The following ATRNL1 variants were observed in gnomAD, a reference collection of about 807,000 sequenced individuals.
The protein encoded by ATRNL1 is attractin-like protein 1.
ATRNL1 carries 95 observed loss-of-function variants against 182.7 expected under a neutral mutation model. That is an observed-to-expected ratio of 0.52 (90% CI 0.44 to 0.62). The LOEUF (loss-of-function observed/expected upper bound fraction) is 0.62, where lower values mean the gene tolerates loss of function less well. Ranked by LOEUF, ATRNL1 falls within the 20% of genes least tolerant of loss-of-function variation. The pLI is 0.00. For missense variants in ATRNL1, 1,471 were observed against 1,679.5 expected (o/e 0.88, Z 2.17); for synonymous variants, 576 against 568.3 (o/e 1.01, Z -0.19).
At chr10:115,687,733 G>A (rs1946263174) in intron 26 of ATRNL1, among the ~76,000 whole-genome samples, 1 of 151,876 alleles carries the variant, frequency 6.6e-6, no homozygotes, top group East Asian at 1.9e-4. Context: ...TTTGTTGCAG[G>A]CAAAAATTAT....
intron 19 of ATRNL1, among the ~76,000 whole-genome samples, chr10:115,379,580 A>G (rs1431347060): frequency 6.6e-6 from 1 of 152,250 alleles, no homozygotes; most frequent in Non-Finnish European, 1.5e-5. Flanking sequence ...ATATGACAGT[A>G]TTAATATGAA....
intron 26 of ATRNL1, among the ~76,000 whole-genome samples, chr10:115,720,900 T>C (rs1555057586): frequency 6.6e-6 from 1 of 152,200 alleles, no homozygotes; most frequent in African/African-American, 2.4e-5. Context: ...AGCATTAATA[T>C]GAGTTGATTG....
intron 26 of ATRNL1, among the ~76,000 whole-genome samples, chr10:115,706,176 G>C (rs1593098375): frequency 6.6e-6 from 1 of 152,026 alleles, no homozygotes; most frequent in Admixed American, 6.6e-5. Context: ...CTGTAGGGGA[G>C]AATCCATGTT....
At chr10:115,707,737 A>G (rs1215844328) in intron 26 of ATRNL1, among the ~76,000 whole-genome samples, 1 of 151,708 alleles carries the variant, frequency 6.6e-6, no homozygotes, top group East Asian at 1.9e-4. Context: ...TTCCAGTTTA[A>G]CCAAATAGAC....
At chr10:115,257,658 C>T (rs879980323) in intron 10 of ATRNL1, among the ~76,000 whole-genome samples, 4 of 152,112 alleles carry the variant, frequency 2.6e-5, no homozygotes, top group Admixed American at 2.0e-4. Context: ...TTATGATGTT[C>T]GCTGGTTATT....
intron 28 of ATRNL1, among the ~76,000 whole-genome samples, chr10:115,942,438 T>TG (rs1953758443): frequency 1.3e-5 from 2 of 152,172 alleles, no homozygotes; most frequent in African/African-American, 4.8e-5. Context: ...TGCTGGCCCA[T>TG]TTGCCACTTT....
At chr10:115,575,881 A>C (rs1854675474) in intron 26 of ATRNL1, among the ~76,000 whole-genome samples, 1 of 152,006 alleles carries the variant, frequency 6.6e-6, no homozygotes, top group South Asian at 2.1e-4. Flanking sequence ...TTGTACTTTG[A>C]TGAATATCTC....
intron 8 of ATRNL1, among the ~76,000 whole-genome samples, chr10:115,194,190 G>T (rs546015323): frequency 6.6e-6 from 1 of 151,892 alleles, no homozygotes; most frequent in Admixed American, 6.6e-5. Context: ...AGATGAAATG[G>T]TCTGTAAATG....
chr10:115,445,162 C>A (rs2134459571), intron 21 of ATRNL1, among the ~76,000 whole-genome samples: 1 of 151,396 alleles, frequency 6.6e-6, no homozygotes, highest in African/African-American at 2.4e-5. Flanking sequence ...GGCAAAATGG[C>A]TTATGCCTGT....
At chr10:115,138,250 G>A (rs1845605438) in intron 5 of ATRNL1, among the ~76,000 whole-genome samples, 1 of 152,194 alleles carries the variant, frequency 6.6e-6, no homozygotes, top group Admixed American at 6.5e-5. Context: ...CAGGCACATG[G>A]TGCAAGCTGT....
In ATRNL1 at chr10:115,627,447, C is replaced by T. The variant is rs116871571; in HGVS notation, c.3795+77911C>T. The stretch of plus-strand genomic sequence containing the variant: ...TGGTAAGACCTCAGCTCATTGCAAC[C>T]TCTGCCTCCTGGGTTCTAGCTATTC... On this transcript the variant is annotated intron_variant, in intron 26 of 28. Transcript: ENST00000355044. Among the ~76,000 whole-genome samples the T allele has an allele frequency of 4.4e-3, 676 of 152,210 alleles. 5 individuals are homozygous for T. The highest frequency in any genetic ancestry group is 0.024 in the Middle Eastern group (7 of 294).
At chr10:115,480,207 AACAC>A (rs72119794) in intron 24 of ATRNL1, among the ~76,000 whole-genome samples, 109 of 146,746 alleles carry the variant, frequency 7.4e-4, no homozygotes, top group South Asian at 6.5e-4. Flanking sequence ...GAGTCATTTG[AACAC>A]ACACACACAC....
chr10:115,706,868 T>C (rs565140796), intron 26 of ATRNL1, among the ~76,000 whole-genome samples: 1 of 152,024 alleles, frequency 6.6e-6, no homozygotes, highest in Non-Finnish European at 1.5e-5. Context: ...TTTAATGGCT[T>C]CTGAAAAAGA....
At chr10:115,560,697 C>G (rs1354273427) in intron 26 of ATRNL1, among the ~76,000 whole-genome samples, 1 of 147,940 alleles carries the variant, frequency 6.8e-6, no homozygotes, top group African/African-American at 2.4e-5. Context: ...GCAAAGGGCC[C>G]TAAACAGCAA....
Position 115,234,023 on chromosome 10 carries a change from A to C in ATRNL1, c.1533-7548A>C, listed in dbSNP as rs1023590906. ...GGGAGTATTCTTTTTAATACTCTAG[A>C]ACATTTATCACATGTATATATGTAT... On this transcript the variant is annotated intron_variant, in intron 9 of 28. Transcript: ENST00000355044. Among the ~76,000 whole-genome samples the C allele has an allele frequency of 2.5e-4, 38 of 152,088 alleles. 1 individual carries two copies. The South Asian group carries it at 7.7e-3, about 31-fold the overall frequency.
At chr10:115,685,357 A>C (rs1946182512) in intron 26 of ATRNL1, among the ~76,000 whole-genome samples, 1 of 151,920 alleles carries the variant, frequency 6.6e-6, no homozygotes, top group Non-Finnish European at 1.5e-5. Context: ...CCTCTTTATG[A>C]TATAATTTTA....
At chr10:115,240,738 C>T (rs1293877211) in intron 9 of ATRNL1, among the ~76,000 whole-genome samples, 1 of 151,880 alleles carries the variant, frequency 6.6e-6, no homozygotes, top group Non-Finnish European at 1.5e-5. Flanking sequence ...TTGTCATGCA[C>T]CTTTACTACA....
At chr10:115,404,369 C>T (rs1844721987) in intron 20 of ATRNL1, among the ~76,000 whole-genome samples, 1 of 152,208 alleles carries the variant, frequency 6.6e-6, no homozygotes, top group African/African-American at 2.4e-5. Context: ...ACACCCACCA[C>T]TTCTAGGCCT....
chr10:115,346,182 C>T (rs1034821889), intron 19 of ATRNL1, among the ~76,000 whole-genome samples: 1 of 152,006 alleles, frequency 6.6e-6, no homozygotes, highest in Non-Finnish European at 1.5e-5. Context: ...ATTGTTTTGC[C>T]ACCATCATTT....
Sources: allele counts gnomAD v4.1 joint callset (sites outside exome capture counted in the v4.1 genomes callset), GRCh38; gene constraint gnomAD v4.1.1; transcripts MANE v1.5; gene names NCBI Gene and HGNC (gene_info 2026-07-23, HGNC 2026-07-21).